The following SYNE1 variants were observed in gnomAD, a reference collection of about 807,000 sequenced individuals.
SYNE1 encodes nesprin-1.
SYNE1 carries 616 observed loss-of-function variants against 1,111.0 expected under a neutral mutation model. The observed-to-expected ratio is 0.55, with a 90% CI of 0.52 to 0.59. The LOEUF (loss-of-function observed/expected upper bound fraction) is 0.59, where lower values mean the gene tolerates loss of function less well. Among genes scored for constraint, SYNE1 ranks in the 20% least tolerant of loss-of-function variants. The pLI is 0.00. For missense variants in SYNE1, 10,006 were observed against 10,417.0 expected, an observed-to-expected ratio of 0.96 and a Z score of 1.72; for synonymous variants, 3,855 against 3,825.8, an observed-to-expected ratio of 1.01 and a Z score of -0.28.
At chr6:152,587,020 C>A (rs1464317652) in intron 3 of SYNE1, among the ~76,000 whole-genome samples, 1 of 152,136 alleles carries the variant, frequency 6.6e-6, no homozygotes, top group African/African-American at 2.4e-5. Context: ...TGGGCCAAGT[C>A]ATATCTTTGT....
intron 115 of SYNE1, among the ~76,000 whole-genome samples, chr6:152,230,036 A>AT (rs34395309): frequency 0.64 from 96,308 of 150,554 alleles, 31,126 homozygotes; most frequent in East Asian, 0.77. Context: ...AATTTAGGCA[A>AT]TTTTTTTTTT....
chr6:152,199,883 T>G (rs1052790618), intron 127 of SYNE1, among the ~76,000 whole-genome samples: 1 of 152,212 alleles, frequency 6.6e-6, no homozygotes. Context: ...ACACACTCAA[T>G]AGCAGCGTGT....
At chr6:152,450,580 A>G (rs1324591230) in intron 27 of SYNE1, 45 bp downstream of exon 27, 3 of 1,489,724 alleles carry the variant, frequency 2.0e-6, no homozygotes. Context: ...AACTAACAGA[A>G]TTAAGTTTGA....
chr6:152,366,123 G>A (rs1017894950), intron 62 of SYNE1, among the ~76,000 whole-genome samples: 4 of 151,328 alleles, frequency 2.6e-5, no homozygotes, highest in East Asian at 2.0e-4. Flanking sequence ...ACCTGAGGTC[G>A]GGAGTTCGAG....
chr6:152,267,605 T>C (rs1197645070), intron 100 of SYNE1, among the ~76,000 whole-genome samples: 5 of 152,234 alleles, frequency 3.3e-5, no homozygotes, highest in African/African-American at 1.2e-4. Context: ...GACTCTTCTG[T>C]GTAGAAGACT....
rs774031403 is a variant in SYNE1, at chr6:152,339,310, G to A, written c.12282C>T (p.Cys4094=). 1.9e-6 allele frequency: 3 copies of A among 1,614,086 alleles called. No homozygotes were observed. The highest frequency in any genetic ancestry group is 1.7e-5 in the Admixed American group (1 of 60,026). Residue 4094 remains cysteine (C), a synonymous_variant, in exon 75 of 146, where the codon TGC becomes TGT. Transcript: ENST00000367255. ...AAGCATTTGACAGGTCACACATGGA[G>A]CAAAGGAGATCTAGGTAGGTCCTTG... is the stretch of plus-strand genomic sequence containing the variant. The part of the protein sequence containing the change: ...EQARTYLDLL[C]SMCDLSNASV...
chr6:152,374,816 T>C (rs1021553295), intron 58 of SYNE1, among the ~76,000 whole-genome samples: 1 of 151,764 alleles, frequency 6.6e-6, no homozygotes, highest in African/African-American at 2.4e-5. Flanking sequence ...AAAAGAAAAA[T>C]AGCACTGTGT....
chr6:152,233,513 CG>C (rs1562373687), intron 112 of SYNE1, among the ~76,000 whole-genome samples: 1 of 151,986 alleles, frequency 6.6e-6, no homozygotes, highest in African/African-American at 2.4e-5. Context: ...TTAGTAGAGA[CG>C]GGGTTTCACC....
At chr6:152,176,737 G>A (rs766677377) in intron 129 of SYNE1, among the ~76,000 whole-genome samples, 177 bp from the exon 130 acceptor site, 27 of 151,936 alleles carry the variant, frequency 1.8e-4, no homozygotes, top group Non-Finnish European at 2.2e-4. Flanking sequence ...ATTATTTTTG[G>A]TATGTATGCA....
At position 152,302,020 on chromosome 6, in the gene SYNE1, G is replaced by T; in HGVS notation, c.17390C>A (p.Ser5797Tyr). 1.2e-6 allele frequency: 2 copies of T among 1,614,266 alleles called. No individual in the cohort carries two copies. The highest frequency in any genetic ancestry group is 1.7e-6 in the Non-Finnish European group (2 of 1,180,040). ...KIKGYQEQIASLNSKCKMLTM... is the reference protein window; with the variant it reads ...KIKGYQEQIAYLNSKCKMLTM... ...CAGCATCTTGCACTTGGAATTCAAAGAAGCGATCTGCTCCTGGTAGCCCTT... is the reference window on the plus strand; with the variant it reads ...CAGCATCTTGCACTTGGAATTCAAATAAGCGATCTGCTCCTGGTAGCCCTT... The change falls in exon 92 of 146, where the codon TCT (serine) becomes TAT (tyrosine). Residue 5797 changes from serine (S) to tyrosine (Y), a missense_variant. Transcript: ENST00000367255.
chr6:152,507,132 G>C (rs990467705), intron 8 of SYNE1, among the ~76,000 whole-genome samples: 2 of 152,108 alleles, frequency 1.3e-5, no homozygotes, highest in Non-Finnish European at 2.9e-5. Context: ...AGGTTGAACA[G>C]TATGTCCTTT....
In SYNE1 at chr6:152,597,571, C is replaced by T. The variant is rs535201239; in HGVS notation, c.67+30694G>A. 7.9e-5 allele frequency among the ~76,000 whole-genome samples: 12 copies of T among 152,246 alleles called. No homozygotes were observed. In the South Asian group the frequency reaches 8.3e-4, roughly 11 times the overall value. Reference sequence around the variant, plus strand: ...TATAGTTTGGCAAGTACAAGATAAACGGCTGTTGAATTGGATTTAATTCAG... The same window carrying T: ...TATAGTTTGGCAAGTACAAGATAAATGGCTGTTGAATTGGATTTAATTCAG... On this transcript the variant is annotated intron_variant, in intron 3 of 145. Coordinates refer to ENST00000367255, the MANE Select transcript of SYNE1 (RefSeq NM_182961.4).
chr6:152,249,544 T>C (rs1181658875), intron 104 of SYNE1, among the ~76,000 whole-genome samples: 6 of 152,346 alleles, frequency 3.9e-5, no homozygotes, highest in African/African-American at 1.4e-4. Context: ...TCTCATTACA[T>C]CCGAAATAAA....
At chr6:152,349,960 T>C (rs560564778) in intron 72 of SYNE1, among the ~76,000 whole-genome samples, 43 of 152,308 alleles carry the variant, frequency 2.8e-4, no homozygotes, top group Admixed American at 2.8e-3. Flanking sequence ...AACAAACCTC[T>C]TTCTTTTGTA....
At chr6:152,221,144 T>G (rs1224174075) in intron 118 of SYNE1, 98 bp from the exon 119 acceptor site, 1 of 1,282,470 alleles carries the variant, frequency 7.8e-7, no homozygotes, top group African/African-American at 1.5e-5. Flanking sequence ...CATGTGAATA[T>G]AGACATAATC....
intron 93 of SYNE1, among the ~76,000 whole-genome samples, chr6:152,297,543 A>T (rs558229438): frequency 6.6e-6 from 1 of 152,326 alleles, no homozygotes; most frequent in African/African-American, 2.4e-5. Flanking sequence ...AGTGTTTGGC[A>T]AATAACAGGC....
intron 130 of SYNE1, among the ~76,000 whole-genome samples, chr6:152,170,439 A>G (rs2064901481): frequency 6.6e-6 from 1 of 152,230 alleles, no homozygotes; most frequent in African/African-American, 2.4e-5. Context: ...CTTGAGGCTC[A>G]GAGAAGTTAC....
chr6:152,266,402 T>C (rs182466639), intron 100 of SYNE1, among the ~76,000 whole-genome samples: 15 of 152,292 alleles, frequency 9.8e-5, no homozygotes, highest in Admixed American at 8.5e-4. Context: ...CTATGCAAGA[T>C]AAGTAAACAT....
intron 133 of SYNE1, 131 bp downstream of exon 133, chr6:152,154,761 T>G: frequency 9.8e-7 from 1 of 1,025,230 alleles, no homozygotes; most frequent in East Asian, 2.4e-5. Flanking sequence ...TAAAGATGGC[T>G]GCAAAGTCCT....
Sources: gnomAD v4.1 joint callset for allele counts (sites outside exome capture counted in the v4.1 genomes callset) on GRCh38, gnomAD v4.1.1 for gene constraint, MANE v1.5 for transcripts, NCBI Gene and HGNC (gene_info 2026-07-23, HGNC 2026-07-21) for gene names.